ELMO1: variants seen among roughly 807,000 people sequenced by gnomAD.
ELMO1 encodes the protein engulfment and cell motility 1.
In ELMO1, 26 loss-of-function variants were observed where a neutral mutation model predicts 98.9. The ratio of observed to expected loss-of-function variants is 0.26; its 90% CI spans 0.19 to 0.36. The LOEUF is 0.36. Among genes scored for constraint, ELMO1 ranks in the 10% least tolerant of loss-of-function variants. The probability of loss-of-function intolerance (pLI) is 1.00; values close to 1 mark genes in which losing one functional copy is unlikely to be tolerated. For missense variants in ELMO1, 627 were observed against 935.2 expected (o/e 0.67, Z 4.30); for synonymous variants, 346 against 346.0 (o/e 1.00, Z 0.00).
At chr7:37,156,722 G>A (rs761022974) in intron 13 of ELMO1, among the ~76,000 whole-genome samples, 8 of 152,138 alleles carry the variant, frequency 5.3e-5, no homozygotes, top group Non-Finnish European at 7.3e-5. Flanking sequence ...ATTTACAGCC[G>A]AATTCTACCA....
chr7:36,925,303 ACT>A lies in ELMO1; in HGVS notation c.1438-30288_1438-30287del, dbSNP rs368162080. ...CAAACAAAGCGATCATTTTTTCGTGACTCTCTGAGTGCTTGAACGCTTCCAGA... is the reference window on the plus strand; with the variant it reads ...CAAACAAAGCGATCATTTTTTCGTGACTCTGAGTGCTTGAACGCTTCCAGA... On this transcript the variant is annotated intron_variant, in intron 16 of 21. Transcript: ENST00000310758. Among the ~76,000 whole-genome samples, 35 of 151,982 alleles carry A rather than the reference ACT, an allele frequency of 2.3e-4. No homozygotes were observed. In the East Asian group the frequency reaches 5.6e-3, roughly 24 times the overall value.
chr7:37,240,632 A>G (rs1794720133), intron 7 of ELMO1, among the ~76,000 whole-genome samples: 1 of 152,128 alleles, frequency 6.6e-6, no homozygotes, highest in Admixed American at 6.5e-5. Flanking sequence ...TTTCCCCCTA[A>G]GCACAGCTTC....
At chr7:36,909,820 C>G (rs533742835) in intron 16 of ELMO1, among the ~76,000 whole-genome samples, 1 of 152,130 alleles carries the variant, frequency 6.6e-6, no homozygotes, top group Non-Finnish European at 1.5e-5. Context: ...ACCATATTGT[C>G]CCAAAGTACT....
At chr7:37,376,171 A>AC in intron 1 of ELMO1, 1 of 253,360 alleles carries the variant, frequency 3.9e-6, no homozygotes, top group Middle Eastern at 1.5e-3. Flanking sequence ...ATAGAATTAT[A>AC]CCTTTGATCA....
chr7:36,976,533 CA>C (rs1265630375), intron 16 of ELMO1, among the ~76,000 whole-genome samples: 1 of 152,142 alleles, frequency 6.6e-6, no homozygotes, highest in Non-Finnish European at 1.5e-5. Context: ...AGAAGTATCC[CA>C]TTGGGAACGC....
chr7:37,343,204 T>C (rs1800810777), intron 1 of ELMO1: 1 of 153,946 alleles, frequency 6.5e-6, no homozygotes, highest in Admixed American at 6.4e-5. Flanking sequence ...CTTTAAAGTG[T>C]TTTCTGTGTG....
At position 36,941,997 on chromosome 7, in the gene ELMO1, C is replaced by T. The variant is rs1413068217; in HGVS notation, c.1438-46980G>A. On this transcript the variant is annotated intron_variant, in intron 16 of 21. Transcript: ENST00000310758. ...TTGGATTTGAAATCGTGTTAGTAAGCTAGCATCACCTTAGCTTCGTGCTGA... is the reference window on the plus strand; with the variant it reads ...TTGGATTTGAAATCGTGTTAGTAAGTTAGCATCACCTTAGCTTCGTGCTGA... 2.0e-5 allele frequency among the ~76,000 whole-genome samples: 3 copies of T among 152,314 alleles called. No homozygotes were observed. The East Asian group carries it at 5.8e-4, about 29-fold the overall frequency.
At chr7:37,211,070 C>T (rs191110112) in intron 13 of ELMO1, 132 of 242,916 alleles carry the variant, frequency 5.4e-4, no homozygotes, top group Non-Finnish European at 7.8e-4. Flanking sequence ...TTAAGGCAAA[C>T]ACAAATCTTA....
At chr7:37,121,952 C>T (rs1046900214) in intron 14 of ELMO1, among the ~76,000 whole-genome samples, 2 of 152,194 alleles carry the variant, frequency 1.3e-5, no homozygotes, top group African/African-American at 2.4e-5. Context: ...AGAAACTCTA[C>T]AAGCCAGAAG....
chr7:37,444,406 G>C (rs920761261), intron 1 of ELMO1, among the ~76,000 whole-genome samples: 1 of 152,230 alleles, frequency 6.6e-6, no homozygotes, highest in African/African-American at 2.4e-5. Context: ...ATTGCAAAGG[G>C]AGCTACTGCC....
chr7:37,357,477 C>A (rs1801537670), intron 1 of ELMO1, among the ~76,000 whole-genome samples: 1 of 152,188 alleles, frequency 6.6e-6, no homozygotes, highest in Non-Finnish European at 1.5e-5. Flanking sequence ...TACTCAGCTT[C>A]ATTCCTAGGG....
intron 2 of ELMO1, among the ~76,000 whole-genome samples, chr7:37,330,288 T>C (rs973235023): frequency 6.6e-5 from 10 of 152,256 alleles, no homozygotes; most frequent in African/African-American, 2.4e-4. Context: ...TTAGCATTTG[T>C]ATTAATATTT....
rs1801961339 is a variant in ELMO1, at chr7:36,853,053, G to A, written c.*2498C>T. Among the ~76,000 whole-genome samples the A allele has an allele frequency of 6.6e-6, 1 of 152,196 alleles. No homozygotes were observed. Among genetic ancestry groups the A allele is most frequent in the Non-Finnish European group, 1.5e-5 (1 of 68,040 alleles). On this transcript the variant is annotated 3_prime_UTR_variant, in exon 22 of 22. Transcript: ENST00000310758. ...TAGGAAACTGCAGGCAACAGGAGATGAGTTGGAGGTGGTAGGCTCATTGCA... is the reference window on the plus strand; with the variant it reads ...TAGGAAACTGCAGGCAACAGGAGATAAGTTGGAGGTGGTAGGCTCATTGCA...
chr7:37,438,477 G>A (rs995990893), intron 1 of ELMO1, among the ~76,000 whole-genome samples: 2 of 151,352 alleles, frequency 1.3e-5, no homozygotes, highest in Non-Finnish European at 2.9e-5. Context: ...GCGGGAGCCT[G>A]TAGTCCCAGC....
chr7:37,304,406 G>A (rs566879498), intron 4 of ELMO1, among the ~76,000 whole-genome samples: 1 of 152,174 alleles, frequency 6.6e-6, no homozygotes, highest in South Asian at 2.1e-4. Context: ...CACAAGTTGT[G>A]CTTGATGGAT....
At chr7:37,343,487 C>CTTTTTTTT (rs10571805) in intron 1 of ELMO1, among the ~76,000 whole-genome samples, 1 of 92,820 alleles carries the variant, frequency 1.1e-5, no homozygotes, top group African/African-American at 4.5e-5. Flanking sequence ...TAGCCCATTT[C>CTTTTTTTT]TTTTTTTTTT....
At chr7:37,227,888 T>A (rs549848980) in intron 8 of ELMO1, among the ~76,000 whole-genome samples, 1 of 152,344 alleles carries the variant, frequency 6.6e-6, no homozygotes, top group African/African-American at 2.4e-5. Flanking sequence ...AAGAAATGAA[T>A]CCCTTACTTT....
intron 16 of ELMO1, among the ~76,000 whole-genome samples, chr7:36,968,729 T>C (rs1035357130): frequency 3.9e-5 from 6 of 152,206 alleles, no homozygotes; most frequent in African/African-American, 9.6e-5. Flanking sequence ...ATTTATTGAT[T>C]CTATTATTTC....
At chr7:37,326,283 G>A (rs1460830720) in intron 2 of ELMO1, among the ~76,000 whole-genome samples, 3 of 152,226 alleles carry the variant, frequency 2.0e-5, no homozygotes, top group Admixed American at 6.5e-5. Context: ...GGCCAGGCAC[G>A]GTGGCTCACA....
Sources: allele counts gnomAD v4.1 joint callset (sites outside exome capture counted in the v4.1 genomes callset), GRCh38; gene constraint gnomAD v4.1.1; transcripts MANE v1.5; gene names NCBI Gene and HGNC (gene_info 2026-07-23, HGNC 2026-07-21).